The following CEP41 variants were observed in gnomAD, a reference collection of about 807,000 sequenced individuals.
CEP41 encodes centrosomal protein 41.
Under a neutral mutation model 44.3 loss-of-function variants are expected in CEP41, and 32 were observed. That is an observed-to-expected ratio of 0.72 (90% CI 0.54 to 0.97). The LOEUF (loss-of-function observed/expected upper bound fraction) is 0.97, where lower values mean the gene tolerates loss of function less well. CEP41 is among the 50% of genes least tolerant of loss of function. The pLI is 0.00. For missense variants in CEP41, 432 were observed against 455.2 expected, an observed-to-expected ratio of 0.95 and a Z score of 0.46; for synonymous variants, 151 against 168.5, an observed-to-expected ratio of 0.90 and a Z score of 0.80.
chr7:130,438,549 ACT>A (rs1332206084), intron 1 of CEP41, among the ~76,000 whole-genome samples: 3 of 151,908 alleles, frequency 2.0e-5, no homozygotes, highest in Non-Finnish European at 4.4e-5. Context: ...ACAGAGTGAG[ACT>A]CTGTCTCAAA....
At chr7:130,408,269 T>C (rs1797072127) in intron 5 of CEP41, among the ~76,000 whole-genome samples, 1 of 152,246 alleles carries the variant, frequency 6.6e-6, no homozygotes, top group African/African-American at 2.4e-5. Context: ...TGTTGTTTTA[T>C]TTTTACTTAA....
Position 130,400,948 on chromosome 7 carries a change from C to T in CEP41, c.643-127G>A, listed in dbSNP as rs1184911164. 11 of 705,336 alleles carry T rather than the reference C, an allele frequency of 1.6e-5. No individual in the cohort carries two copies. In the African/African-American group the frequency reaches 1.9e-4, roughly 12 times the overall value. The allele number at this position is 705,336 out of a possible 1,614,324, so 43.7% of individuals were successfully genotyped here. On this transcript the variant is annotated intron_variant, in intron 8 of 10. Coordinates refer to ENST00000223208, the MANE Select transcript of CEP41 (RefSeq NM_018718.3). Reference sequence around the variant, plus strand: ...CCGGGAACGATGGACAAGCCCATTCCTACCGTCACACCAGCAGGGACTGGA... The same window carrying T: ...CCGGGAACGATGGACAAGCCCATTCTTACCGTCACACCAGCAGGGACTGGA...
intron 1 of CEP41, chr7:130,440,588 GC>G: frequency 2.0e-6 from 1 of 493,484 alleles, no homozygotes; most frequent in Middle Eastern, 5.5e-4. Context: ...TTCAACACGT[GC>G]CATTAGTGTG....
At chr7:130,435,909 C>T (rs1480849628) in intron 1 of CEP41, among the ~76,000 whole-genome samples, 2 of 152,174 alleles carry the variant, frequency 1.3e-5, no homozygotes, top group Admixed American at 6.5e-5. Flanking sequence ...AATCCCAGCA[C>T]TTTGGGAGGC....
rs1554415900 is a variant in CEP41, at chr7:130,398,598, A to G, written c.*293T>C. On this transcript the variant is annotated 3_prime_UTR_variant, in exon 11 of 11. Transcript: ENST00000223208. ...AAAAAAACAAAACAAAAAAACTAAAAACGTAGATACTTTTTTCCTATACAG... is the reference window on the plus strand; with the variant it reads ...AAAAAAACAAAACAAAAAAACTAAAGACGTAGATACTTTTTTCCTATACAG... 3.5e-6 allele frequency: 2 copies of G among 573,710 alleles called. No homozygotes were observed. The highest frequency in any genetic ancestry group is 6.6e-6 in the Non-Finnish European group (2 of 304,944). The allele number at this position is 573,710 out of a possible 1,614,324, so 35.5% of individuals were successfully genotyped here.
chr7:130,405,922 G>A (rs73152874), intron 5 of CEP41, among the ~76,000 whole-genome samples: 3,059 of 152,170 alleles, frequency 0.02, 37 homozygotes, highest in Non-Finnish European at 0.031. Flanking sequence ...AGCACATCAC[G>A]ACAGACACCG....
intron 2 of CEP41, chr7:130,426,605 A>G (rs781835084): frequency 2.2e-6 from 1 of 455,068 alleles, no homozygotes; most frequent in Non-Finnish European, 4.4e-6. Context: ...GAAAAAATAC[A>G]GCATTTTAAA....
chr7:130,404,763 T>C lies in CEP41; in HGVS notation c.278-55A>G, dbSNP rs1379401154. Reference sequence around the variant, plus strand: ...ATTGAACCTCAGGATTTGTATTTACTTATTAGTTCCACTGACATTAAGTCA... The same window carrying C: ...ATTGAACCTCAGGATTTGTATTTACCTATTAGTTCCACTGACATTAAGTCA... On this transcript the variant is annotated intron_variant, in intron 5 of 10. Transcript: ENST00000223208. 3.0e-6 allele frequency: 4 copies of C among 1,315,410 alleles called. No individual in the cohort carries two copies. In the South Asian group the frequency reaches 4.7e-5, roughly 15 times the overall value. 81.5% of individuals were successfully genotyped at this position (1,315,410 alleles called of 1,614,324 possible).
At chr7:130,419,264 G>T (rs1554421569) in intron 2 of CEP41, 1 of 985,136 alleles carries the variant, frequency 1.0e-6, no homozygotes, top group African/African-American at 1.7e-5. Context: ...TTCTATCCAA[G>T]AATGGGGAAA....
At chr7:130,421,851 G>A (rs1797518777) in intron 2 of CEP41, 1 of 1,461,788 alleles carries the variant, frequency 6.8e-7, no homozygotes, top group Non-Finnish European at 9.0e-7. Context: ...TCAGCCTGCA[G>A]TGCTGCAAAA....
intron 3 of CEP41, among the ~76,000 whole-genome samples, chr7:130,415,590 G>A (rs1353752314): frequency 5.9e-5 from 9 of 152,202 alleles, no homozygotes; most frequent in Admixed American, 4.6e-4. Context: ...AAACCACATC[G>A]TACTTTGAAG....
intron 5 of CEP41, chr7:130,410,759 C>A: frequency 3.0e-6 from 1 of 334,406 alleles, no homozygotes. Flanking sequence ...TGTGCACATG[C>A]ACACATGTGA....
intron 5 of CEP41, 56 bp downstream of exon 5, chr7:130,411,066 G>T: frequency 7.0e-7 from 1 of 1,421,286 alleles, no homozygotes; most frequent in Non-Finnish European, 1.0e-6. Flanking sequence ...TACAGGGTGA[G>T]TGTTTCAGTC....
chr7:130,440,774 CAAGCCCGGCCCGCCCCGCCCCTG>C, intron 1 of CEP41, 137 bp downstream of exon 1: 1 of 687,624 alleles, frequency 1.5e-6, no homozygotes, highest in Non-Finnish European at 2.5e-6. Flanking sequence ...CCGCGGCCCC[CAAGCCCGGCCCGCCCCGCCCCTG>C]CATCCCGACC....
chr7:130,426,327 A>C (rs782006436), intron 2 of CEP41, among the ~76,000 whole-genome samples: 1 of 152,206 alleles, frequency 6.6e-6, no homozygotes, highest in Non-Finnish European at 1.5e-5. Context: ...ATATCAAAAA[A>C]ATGAAATTAA....
Position 130,393,879 on chromosome 7 carries a change from G to A in CEP41, c.*5012C>T, listed in dbSNP as rs1562970695. 2.2e-6 allele frequency: 1 copy of A among 453,932 alleles called. No individual in the cohort carries two copies. The allele number at this position is 453,932 out of a possible 1,614,324, so 28.1% of individuals were successfully genotyped here. On this transcript the variant is annotated 3_prime_UTR_variant, in exon 11 of 11. Coordinates refer to ENST00000223208, the MANE Select transcript of CEP41 (RefSeq NM_018718.3). ...GTTTGTAATTCTCATTCCTTAAGTG[G>A]TACTTTGCAAGGTGTCCATTAACAG...
At chr7:130,424,886 A>G (rs782357030) in intron 2 of CEP41, among the ~76,000 whole-genome samples, 14 of 152,244 alleles carry the variant, frequency 9.2e-5, no homozygotes, top group Non-Finnish European at 5.9e-5. Context: ...TTGTTCTTCC[A>G]AAGACCCTGT....
chr7:130,397,492 A>C lies in CEP41; in HGVS notation c.*1399T>G. ...CATACAAACACAGCCCCCATGCTAG[A>C]AATACTGTGGTGCATTTTTTTTTTT... is the stretch of plus-strand genomic sequence containing the variant. On this transcript the variant is annotated 3_prime_UTR_variant, in exon 11 of 11. Coordinates refer to ENST00000223208, the MANE Select transcript of CEP41 (RefSeq NM_018718.3). The C allele has an allele frequency of 4.6e-6, 2 of 430,178 alleles. No homozygotes were observed. Among genetic ancestry groups the C allele is most frequent in the Non-Finnish European group, 9.1e-6 (2 of 220,668 alleles). The allele number at this position is 430,178 out of a possible 1,614,324, so 26.6% of individuals were successfully genotyped here.
intron 2 of CEP41, chr7:130,421,932 G>A (rs1797521360): frequency 6.5e-7 from 1 of 1,535,186 alleles, no homozygotes; most frequent in South Asian, 1.2e-5. Flanking sequence ...ACGCAGCCAG[G>A]GATTTCATCA....
Sources: gnomAD v4.1 joint callset for allele counts (sites outside exome capture counted in the v4.1 genomes callset) on GRCh38, gnomAD v4.1.1 for gene constraint, MANE v1.5 for transcripts, NCBI Gene and HGNC (gene_info 2026-07-23, HGNC 2026-07-21) for gene names.